The following TRIM44 variants were observed in gnomAD, a reference collection of about 807,000 sequenced individuals.
The protein encoded by TRIM44 is tripartite motif containing 44, also known as tripartite motif-containing protein 44.
A neutral mutation model predicts 37.4 loss-of-function variants in TRIM44; 13 were observed. The observed-to-expected ratio is 0.35, with a 90% CI of 0.23 to 0.55. TRIM44 has a LOEUF of 0.55. Ranked by LOEUF, TRIM44 falls within the 20% of genes least tolerant of loss-of-function variation. The probability of loss-of-function intolerance (pLI) is 0.89; values close to 1 mark genes in which losing one functional copy is unlikely to be tolerated. For missense variants in TRIM44, 426 were observed against 437.2 expected, an observed-to-expected ratio of 0.97 and a Z score of 0.23; for synonymous variants, 175 against 157.2, an observed-to-expected ratio of 1.11 and a Z score of -0.85.
chr11:35,671,654 G>T (rs1201751419), intron 1 of TRIM44, among the ~76,000 whole-genome samples: 1 of 152,220 alleles, frequency 6.6e-6, no homozygotes, highest in East Asian at 1.9e-4. Context: ...AGGCCAGAAT[G>T]AGCAGAAAAA....
In TRIM44 at chr11:35,665,784, G is replaced by A. The variant is rs1463587189; in HGVS notation, c.669+2004G>A. On this transcript the variant is annotated intron_variant, in intron 1 of 4. Coordinates refer to ENST00000299413, the MANE Select transcript of TRIM44 (RefSeq NM_017583.6). ...TAATTTTTGTATTTTTTTTTTAGTAGAGATGTTTTTGCCATGTTGACCAGG... is the reference window on the plus strand; with the variant it reads ...TAATTTTTGTATTTTTTTTTTAGTAAAGATGTTTTTGCCATGTTGACCAGG... Among the ~76,000 whole-genome samples, 4 of 151,520 alleles carry A rather than the reference G, an allele frequency of 2.6e-5. No homozygotes were observed. In the East Asian group the frequency reaches 7.8e-4, roughly 29 times the overall value.
At chr11:35,742,466 T>A (rs1269796583) in intron 4 of TRIM44, among the ~76,000 whole-genome samples, 1 of 133,922 alleles carries the variant, frequency 7.5e-6, no homozygotes, top group Non-Finnish European at 1.5e-5. Context: ...TAATTACAAT[T>A]AATATAATTA....
rs1225024477 is a variant in TRIM44 at position 35,811,153 on chromosome 11, G to T, written c.*4768G>T. 1 of 152,022 alleles carries T rather than the reference G, an allele frequency of 6.6e-6. No individual in the cohort carries two copies. Among genetic ancestry groups the T allele is most frequent in the East Asian group, 1.9e-4 (1 of 5,184 alleles). The allele number at this position is 152,022 out of a possible 1,614,324, so 9.4% of individuals were successfully genotyped here. On this transcript the variant is annotated 3_prime_UTR_variant, in exon 5 of 5. Coordinates refer to ENST00000299413, the MANE Select transcript of TRIM44 (RefSeq NM_017583.6). The stretch of plus-strand genomic sequence containing the variant: ...GTAATGCTGGAGATGATGGTGTTTT[G>T]GTTACTAGATGTGGGAGTCTAATTT...
intron 1 of TRIM44, among the ~76,000 whole-genome samples, chr11:35,668,821 A>AT (rs1851360741): frequency 2.0e-5 from 3 of 151,976 alleles, no homozygotes; most frequent in African/African-American, 7.3e-5. Context: ...TAGGTTGTCT[A>AT]TTTTTTCTTA....
chr11:35,804,718 G>A lies in TRIM44; in HGVS notation c.1008-1640G>A, dbSNP rs1853425821. Among the ~76,000 whole-genome samples the A allele has an allele frequency of 2.0e-5, 3 of 152,138 alleles. No homozygotes were observed. In the South Asian group the frequency reaches 6.2e-4, roughly 32 times the overall value. ...CATTAAATACTGCTTCTTAATGACAGCCCACTGTCCAGCATTTCCAGCATG... is the reference window on the plus strand; with the variant it reads ...CATTAAATACTGCTTCTTAATGACAACCCACTGTCCAGCATTTCCAGCATG... On this transcript the variant is annotated intron_variant, in intron 4 of 4. Transcript: ENST00000299413.
chr11:35,716,869 C>G (rs1314482932), intron 2 of TRIM44, among the ~76,000 whole-genome samples: 1 of 152,154 alleles, frequency 6.6e-6, no homozygotes, highest in Non-Finnish European at 1.5e-5. Flanking sequence ...AGGTTTCTTA[C>G]CTCCCTTCTT....
At chr11:35,750,452 G>A (rs914716218) in intron 4 of TRIM44, among the ~76,000 whole-genome samples, 6 of 152,122 alleles carry the variant, frequency 3.9e-5, no homozygotes, top group Admixed American at 3.3e-4. Context: ...CTAAACTAGG[G>A]TTCCATGGTC....
chr11:35,665,741 C>T (rs544454324), intron 1 of TRIM44, among the ~76,000 whole-genome samples: 10 of 151,790 alleles, frequency 6.6e-5, no homozygotes, highest in Admixed American at 3.3e-4. Context: ...ATTACAGGCA[C>T]ATGCCACAAT....
intron 4 of TRIM44, among the ~76,000 whole-genome samples, chr11:35,743,351 A>G (rs975774624): frequency 3.3e-5 from 5 of 152,196 alleles, no homozygotes; most frequent in South Asian, 2.1e-4. Context: ...TTGCCCCCTT[A>G]TAGAAGAAAT....
chr11:35,776,902 G>T (rs752951353), intron 4 of TRIM44, among the ~76,000 whole-genome samples: 1 of 152,220 alleles, frequency 6.6e-6, no homozygotes, highest in African/African-American at 2.4e-5. Context: ...GAATAAGTGC[G>T]ATGTGGTGCT....
intron 4 of TRIM44, among the ~76,000 whole-genome samples, chr11:35,786,891 T>A (rs779912825): frequency 6.6e-6 from 1 of 152,118 alleles, no homozygotes; most frequent in Non-Finnish European, 1.5e-5. Flanking sequence ...GAACCAACTT[T>A]GCTTTTTATG....
At chr11:35,665,240 T>C (rs1407918519) in intron 1 of TRIM44, among the ~76,000 whole-genome samples, 1 of 152,150 alleles carries the variant, frequency 6.6e-6, no homozygotes, top group Non-Finnish European at 1.5e-5. Flanking sequence ...TTAAGTGGAA[T>C]ATAAACGCAG....
At chr11:35,726,699 CTA>C (rs1852179701) in intron 3 of TRIM44, among the ~76,000 whole-genome samples, 1 of 143,676 alleles carries the variant, frequency 7.0e-6, no homozygotes, top group African/African-American at 2.6e-5. Context: ...AAAAAAAAAA[CTA>C]TGAATGAAAG....
At chr11:35,717,585 G>A (rs529568409) in intron 2 of TRIM44, among the ~76,000 whole-genome samples, 45 of 152,268 alleles carry the variant, frequency 3.0e-4, no homozygotes, top group African/African-American at 9.9e-4. Context: ...CCAGCTCTGC[G>A]TGCATTAAAC....
intron 4 of TRIM44, among the ~76,000 whole-genome samples, chr11:35,762,463 T>A (rs2133860682): frequency 6.6e-6 from 1 of 152,192 alleles, no homozygotes; most frequent in East Asian, 1.9e-4. Context: ...GAAGTAAGAG[T>A]GAACTCTTGC....
chr11:35,734,617 G>A (rs1852307097), intron 3 of TRIM44, among the ~76,000 whole-genome samples: 1 of 152,180 alleles, frequency 6.6e-6, no homozygotes, highest in African/African-American at 2.4e-5. Flanking sequence ...GGATGAATGA[G>A]GTCCCTTGGG....
chr11:35,814,306 A>G lies in TRIM44; in HGVS notation c.*7921A>G, dbSNP rs1306357633. The G allele has an allele frequency of 6.6e-6, 1 of 152,218 alleles. No homozygotes were observed. The highest frequency in any genetic ancestry group is 1.9e-4 in the East Asian group (1 of 5,200). 9.4% of individuals were successfully genotyped at this position (152,218 alleles called of 1,614,324 possible). On this transcript the variant is annotated 3_prime_UTR_variant, in exon 5 of 5. Transcript: ENST00000299413. Reference sequence around the variant, plus strand: ...TGGTTGGTGGTTTCTAGAAGAAATAATTCAGAAGCAAAAGACACATGAAGT... The same window carrying G: ...TGGTTGGTGGTTTCTAGAAGAAATAGTTCAGAAGCAAAAGACACATGAAGT...
intron 1 of TRIM44, among the ~76,000 whole-genome samples, chr11:35,675,942 A>G (rs1187817110): frequency 2.6e-5 from 4 of 152,128 alleles, no homozygotes; most frequent in African/African-American, 9.7e-5. Flanking sequence ...GGAAACAGTC[A>G]TTTCTCCAGG....
At chr11:35,771,952 T>C (rs1852878652) in intron 4 of TRIM44, among the ~76,000 whole-genome samples, 1 of 152,160 alleles carries the variant, frequency 6.6e-6, no homozygotes, top group South Asian at 2.1e-4. Context: ...GGGCCTCCCA[T>C]CACAGGCCCA....
Sources: gnomAD v4.1 joint callset for allele counts (sites outside exome capture counted in the v4.1 genomes callset) on GRCh38, gnomAD v4.1.1 for gene constraint, MANE v1.5 for transcripts, NCBI Gene and HGNC (gene_info 2026-07-23, HGNC 2026-07-21) for gene names.